The following LRRC53 variants were observed in gnomAD, a reference collection of about 807,000 sequenced individuals.
LRRC53 encodes the protein leucine rich repeat containing 53, also known as leucine-rich repeat-containing protein 53.
In LRRC53, 25 loss-of-function variants were observed where a neutral mutation model predicts 13.6. The ratio of observed to expected loss-of-function variants is 1.83; its 90% CI spans 1.34 to 2.56. The LOEUF is 2.56. Ranked by LOEUF, LRRC53 falls within the 30% of genes most tolerant of loss-of-function variation. The pLI, the probability that LRRC53 is intolerant of heterozygous loss-of-function variation, is 0.00. For synonymous variants in LRRC53, 204 were observed against 109.8 expected, an observed-to-expected ratio of 1.86 and a Z score of -5.37; for missense variants, 527 against 275.8, an observed-to-expected ratio of 1.91 and a Z score of -6.45.
At chr1:74,529,868 G>A in the LRRC53 span, among the ~76,000 whole-genome samples, 2 of 152,106 alleles carry the variant, frequency 1.3e-5, no homozygotes, top group Admixed American at 1.3e-4. Context: ...CCCACCCCTT[G>A]TGAACCAGGG....
chr1:74,521,535 T>C, the LRRC53 span, among the ~76,000 whole-genome samples: 1 of 152,114 alleles, frequency 6.6e-6, no homozygotes, highest in Non-Finnish European at 1.5e-5. Context: ...TATATACACC[T>C]ATATATACAT....
chr1:74,487,547 G>T (rs1387878119), intron 1 of LRRC53, among the ~76,000 whole-genome samples: 1 of 152,106 alleles, frequency 6.6e-6, no homozygotes, highest in African/African-American at 2.4e-5. Flanking sequence ...TGTACCAAAT[G>T]CAAGATGAAG....
Position 74,470,063 on chromosome 1 carries a change from C to T in LRRC53, c.3559G>A (p.Ala1187Thr), listed in dbSNP as rs1002945706. The T allele has an allele frequency of 1.2e-5, 5 of 400,652 alleles. No homozygotes were observed. The highest frequency in any genetic ancestry group is 1.1e-4 in the East Asian group (3 of 28,068). The allele number at this position is 400,652 out of a possible 1,614,324, so 24.8% of individuals were successfully genotyped here. A position where few individuals can be genotyped will look rare whatever the true frequency, so the allele number is the denominator to read the frequency against. ...GCTTCATGTGTCTCCACTGTCATTG[C>T]GCCTTCTTTATGTGCACTATCTTTA... ...PDKDSAHKEG[A>T]MTVETHEALS... Residue 1187 changes from alanine to threonine, a missense_variant, in exon 5 of 5, where the codon GCA becomes ACA. Physicochemically the swap from Ala to Thr is moderately conservative, Grantham distance 58 (BLOSUM62 0). Coordinates refer to ENST00000294635, the MANE Select transcript of LRRC53 (RefSeq NM_001382280.1).
chr1:74,500,238 T>C (rs1410688114), intron 1 of LRRC53, among the ~76,000 whole-genome samples: 1 of 152,150 alleles, frequency 6.6e-6, no homozygotes, highest in Non-Finnish European at 1.5e-5. Flanking sequence ...TATACAACTA[T>C]GTTTTATTTA....
the LRRC53 span, among the ~76,000 whole-genome samples, chr1:74,521,758 AAATGAATACATG>A: frequency 1.3e-5 from 2 of 152,190 alleles, no homozygotes; most frequent in African/African-American, 4.8e-5. Context: ...AGGGTCTCAT[AAATGAATACATG>A]AATGAATAAA....
intron 1 of LRRC53, among the ~76,000 whole-genome samples, chr1:74,497,243 C>T (rs1251152814): frequency 2.0e-5 from 3 of 152,062 alleles, no homozygotes; most frequent in Non-Finnish European, 4.4e-5. Context: ...GCAAGGGGAC[C>T]GTGTCCATTT....
intron 2 of LRRC53, among the ~76,000 whole-genome samples, chr1:74,482,408 A>G (rs575824323): frequency 1.3e-5 from 2 of 152,322 alleles, no homozygotes; most frequent in East Asian, 3.9e-4. Context: ...AAATAAATGT[A>G]GTGAAGTCAA....
intron 1 of LRRC53, among the ~76,000 whole-genome samples, chr1:74,500,431 G>A (rs1158675710): frequency 2.0e-5 from 3 of 151,022 alleles, no homozygotes; most frequent in East Asian, 3.9e-4. Context: ...GTGAAACCCC[G>A]TCTCTACTAA....
intron 1 of LRRC53, among the ~76,000 whole-genome samples, chr1:74,499,351 G>T (rs566458459): frequency 6.6e-6 from 1 of 152,160 alleles, no homozygotes; most frequent in South Asian, 2.1e-4. Flanking sequence ...TTACTATGTT[G>T]CCCAGGCTGG....
At chr1:74,535,737 C>A in the LRRC53 span, among the ~76,000 whole-genome samples, 1 of 152,168 alleles carries the variant, frequency 6.6e-6, no homozygotes, top group Non-Finnish European at 1.5e-5. Flanking sequence ...TTCAACTTAA[C>A]TCTGTGGGAA....
chr1:74,471,924 A>G lies in LRRC53; in HGVS notation c.1698T>C (p.Phe566=), dbSNP rs1357057835. The part of the protein sequence containing the change: ...GLLKQSKPRY[F]QPNNSLICKY... ...TACAGATAAGAGAATTGTTTGGCTG[A>G]AAATACCTAGGTTTGCTCTGTTTTA... is the stretch of plus-strand genomic sequence containing the variant. Residue 566 remains phenylalanine, a synonymous_variant, in exon 5 of 5, where the codon TTT becomes TTC. Transcript: ENST00000294635. 2.0e-6 allele frequency: 1 copy of G among 495,804 alleles called. No individual in the cohort carries two copies. The highest frequency in any genetic ancestry group is 3.6e-6 in the Non-Finnish European group (1 of 279,046). 30.7% of individuals were successfully genotyped at this position (495,804 alleles called of 1,614,324 possible).
intron 1 of LRRC53, among the ~76,000 whole-genome samples, chr1:74,485,056 A>G (rs1668684879): frequency 6.6e-6 from 1 of 152,172 alleles, no homozygotes; most frequent in Admixed American, 6.5e-5. Context: ...TGTCTGATGG[A>G]ATGTGCTAGG....
At chr1:74,519,696 A>T in the LRRC53 span, among the ~76,000 whole-genome samples, 5 of 152,240 alleles carry the variant, frequency 3.3e-5, no homozygotes, top group African/African-American at 9.6e-5. Flanking sequence ...AACCCCACAG[A>T]ATATATCTTT....
the LRRC53 span, among the ~76,000 whole-genome samples, chr1:74,523,144 C>G: frequency 6.6e-6 from 1 of 152,162 alleles, no homozygotes; most frequent in Non-Finnish European, 1.5e-5. Flanking sequence ...GACCAATTTG[C>G]CCTCAGTTTC....
chr1:74,497,142 T>G (rs1351753061), intron 1 of LRRC53, among the ~76,000 whole-genome samples: 1 of 152,168 alleles, frequency 6.6e-6, no homozygotes, highest in African/African-American at 2.4e-5. Flanking sequence ...AAAATTTTAA[T>G]TTACTCAAAG....
intron 3 of LRRC53, among the ~76,000 whole-genome samples, chr1:74,477,778 G>A (rs566874987): frequency 3.3e-5 from 5 of 152,268 alleles, no homozygotes; most frequent in East Asian, 3.9e-4. Context: ...GTAGGCAGGC[G>A]GAATGTGCTA....
upstream of LRRC53, among the ~76,000 whole-genome samples, chr1:74,514,907 G>T (rs1570727706): frequency 2.0e-5 from 3 of 152,214 alleles, no homozygotes; most frequent in East Asian, 5.8e-4. Context: ...ACTGGAGTAG[G>T]GTGGGCCCTT....
At chr1:74,524,120 T>C in the LRRC53 span, among the ~76,000 whole-genome samples, 1 of 152,226 alleles carries the variant, frequency 6.6e-6, no homozygotes, top group Non-Finnish European at 1.5e-5. Flanking sequence ...CACAGTCCAG[T>C]AGTATTTGTG....
intron 1 of LRRC53, among the ~76,000 whole-genome samples, chr1:74,497,619 T>C (rs1171455652): frequency 1.3e-5 from 2 of 151,122 alleles, no homozygotes; most frequent in Non-Finnish European, 3.0e-5. Context: ...CACACATACA[T>C]TCCTCCACAC....
Sources: allele counts gnomAD v4.1 joint callset (sites outside exome capture counted in the v4.1 genomes callset), GRCh38; gene constraint gnomAD v4.1.1; transcripts MANE v1.5; gene names NCBI Gene and HGNC (gene_info 2026-07-23, HGNC 2026-07-21).